The following FAM13A variants were observed in gnomAD, a reference collection of about 807,000 sequenced individuals.
FAM13A encodes the protein protein FAM13A.
A neutral mutation model predicts 129.6 loss-of-function variants in FAM13A; 76 were observed. That is an observed-to-expected ratio of 0.59 (90% confidence interval 0.49 to 0.71). FAM13A has a LOEUF of 0.71. FAM13A is among the 30% of genes least tolerant of loss of function. FAM13A has a pLI of 0.00. For synonymous variants in FAM13A, 443 were observed against 449.9 expected (o/e 0.98, Z 0.20); for missense variants, 1,108 against 1,249.3 (o/e 0.89, Z 1.70).
chr4:88,883,551 T>A (rs1743934747), intron 6 of FAM13A, among the ~76,000 whole-genome samples: 1 of 151,648 alleles, frequency 6.6e-6, no homozygotes, highest in African/African-American at 2.4e-5. Context: ...AATGCCTACA[T>A]CAAAAAGTCT....
intron 6 of FAM13A, among the ~76,000 whole-genome samples, chr4:88,893,928 C>A (rs533902116): frequency 7.9e-5 from 12 of 152,144 alleles, no homozygotes; most frequent in African/African-American, 2.6e-4. Context: ...ACTGGCCCGA[C>A]CTAACTGCAA....
At chr4:88,868,434 A>G (rs1339851055) in intron 6 of FAM13A, among the ~76,000 whole-genome samples, 2 of 151,972 alleles carry the variant, frequency 1.3e-5, no homozygotes, top group East Asian at 3.9e-4. Flanking sequence ...TTCCCTACCT[A>G]TCACTTTAGT....
chr4:88,894,241 T>C (rs1440440654), intron 6 of FAM13A, among the ~76,000 whole-genome samples: 1 of 152,230 alleles, frequency 6.6e-6, no homozygotes, highest in African/African-American at 2.4e-5. Flanking sequence ...TGAAAATTAT[T>C]CACTTAAAAA....
chr4:88,826,944 T>C (rs538069743), intron 7 of FAM13A, among the ~76,000 whole-genome samples: 1 of 152,292 alleles, frequency 6.6e-6, no homozygotes, highest in East Asian at 1.9e-4. Context: ...TATTAGAAAG[T>C]GCTTCTCAGC....
chr4:88,982,343 G>A (rs987312712), intron 4 of FAM13A, among the ~76,000 whole-genome samples: 4 of 152,240 alleles, frequency 2.6e-5, no homozygotes, highest in South Asian at 4.1e-4. Flanking sequence ...ACGATGGGCA[G>A]AGCCCATAAA....
intron 4 of FAM13A, among the ~76,000 whole-genome samples, chr4:88,976,490 T>A (rs1384759269): frequency 2.0e-5 from 3 of 152,130 alleles, no homozygotes; most frequent in Non-Finnish European, 4.4e-5. Context: ...CTATATATTG[T>A]ATATTTCTTC....
At chr4:88,772,348 T>C (rs1720838804) in intron 11 of FAM13A, among the ~76,000 whole-genome samples, 2 of 152,210 alleles carry the variant, frequency 1.3e-5, no homozygotes, top group African/African-American at 4.8e-5. Context: ...AAAGAACTAC[T>C]GGTATCATAA....
At chr4:88,943,435 A>T (rs186799304) in intron 4 of FAM13A, among the ~76,000 whole-genome samples, 2 of 152,240 alleles carry the variant, frequency 1.3e-5, no homozygotes, top group South Asian at 2.1e-4. Context: ...GCTATCAGTC[A>T]TAACTTTCTG....
chr4:88,894,512 T>G (rs1745949646), intron 6 of FAM13A, among the ~76,000 whole-genome samples: 1 of 152,130 alleles, frequency 6.6e-6, no homozygotes, highest in Non-Finnish European at 1.5e-5. Flanking sequence ...TGCATGGAAA[T>G]GATAAGTATT....
intron 6 of FAM13A, among the ~76,000 whole-genome samples, chr4:88,888,619 G>A (rs887777808): frequency 1.3e-5 from 2 of 152,008 alleles, no homozygotes; most frequent in East Asian, 1.9e-4. Flanking sequence ...AGCCTTTGTC[G>A]TTCAAGGCTT....
intron 6 of FAM13A, among the ~76,000 whole-genome samples, chr4:88,872,280 A>T (rs1741554356): frequency 6.6e-6 from 1 of 152,222 alleles, no homozygotes; most frequent in African/African-American, 2.4e-5. Flanking sequence ...ACAGGATCAA[A>T]TTCACACATA....
chr4:88,955,144 GT>G (rs1757542176), intron 4 of FAM13A, among the ~76,000 whole-genome samples: 2 of 152,012 alleles, frequency 1.3e-5, no homozygotes, highest in Non-Finnish European at 2.9e-5. Flanking sequence ...CCATATTATA[GT>G]TAGAATGTGT....
At chr4:88,804,019 G>A (rs1008905632) in intron 8 of FAM13A, among the ~76,000 whole-genome samples, 2 of 152,156 alleles carry the variant, frequency 1.3e-5, no homozygotes, top group Non-Finnish European at 2.9e-5. Context: ...CACTTAGGGA[G>A]GCTGAGGCGG....
intron 11 of FAM13A, among the ~76,000 whole-genome samples, chr4:88,780,878 A>C (rs1373565783): frequency 6.6e-6 from 1 of 152,104 alleles, no homozygotes; most frequent in African/African-American, 2.4e-5. Flanking sequence ...TTTATGGGCA[A>C]TTTTATTTCA....
intron 4 of FAM13A, among the ~76,000 whole-genome samples, chr4:88,987,990 G>C (rs1385293990): frequency 6.6e-6 from 1 of 152,046 alleles, no homozygotes; most frequent in African/African-American, 2.4e-5. Flanking sequence ...GATGATGTCT[G>C]TTTTCTTAAA....
chr4:88,890,306 G>A (rs1464830655), intron 6 of FAM13A, among the ~76,000 whole-genome samples: 1 of 152,140 alleles, frequency 6.6e-6, no homozygotes, highest in African/African-American at 2.4e-5. Context: ...TCAGGTCCAG[G>A]GCAGGTCAGG....
intron 3 of FAM13A, among the ~76,000 whole-genome samples, chr4:88,993,563 C>T (rs1763175358): frequency 1.3e-5 from 2 of 152,112 alleles, no homozygotes; most frequent in South Asian, 4.1e-4. Context: ...ATGACAATAA[C>T]ATCTTTGAAA....
intron 1 of FAM13A, among the ~76,000 whole-genome samples, chr4:89,045,780 T>C (rs1482049108): frequency 6.6e-6 from 1 of 152,062 alleles, no homozygotes; most frequent in African/African-American, 2.4e-5. Context: ...TCCTAGCACT[T>C]TGGGAGGCCA....
chr4:88,874,875 A>C (rs892579074), intron 6 of FAM13A, among the ~76,000 whole-genome samples: 1 of 152,202 alleles, frequency 6.6e-6, no homozygotes, highest in Non-Finnish European at 1.5e-5. Flanking sequence ...GCATCACGCT[A>C]CCTGACTTCA....
Sources: gnomAD v4.1 joint callset for allele counts (sites outside exome capture counted in the v4.1 genomes callset) on GRCh38, gnomAD v4.1.1 for gene constraint, MANE v1.5 for transcripts, NCBI Gene and HGNC (gene_info 2026-07-23, HGNC 2026-07-21) for gene names.